The following FAM124A variants were observed in gnomAD, a reference collection of about 807,000 sequenced individuals.
The protein encoded by FAM124A is family with sequence similarity 124 member A.
Under a neutral mutation model 24.5 loss-of-function variants are expected in FAM124A, and 23 were observed. That is an observed-to-expected ratio of 0.94 (90% CI 0.68 to 1.33). The LOEUF (loss-of-function observed/expected upper bound fraction) is 1.33, where lower values mean the gene tolerates loss of function less well. Ranked by LOEUF, FAM124A falls within the 40% of genes most tolerant of loss-of-function variation. The pLI, the probability that FAM124A is intolerant of heterozygous loss-of-function variation, is 0.00. For synonymous variants in FAM124A, 287 were observed against 314.7 expected, an observed-to-expected ratio of 0.91 and a Z score of 0.93; for missense variants, 623 against 722.8, an observed-to-expected ratio of 0.86 and a Z score of 1.58.
At chr13:51,225,124 C>T (rs1027524077) in intron 1 of FAM124A, 14 of 151,798 alleles carry the variant, frequency 9.2e-5, no homozygotes, top group African/African-American at 3.4e-4. Flanking sequence ...TTATCAGATT[C>T]TCAAAGTAGC....
intron 2 of FAM124A, among the ~76,000 whole-genome samples, chr13:51,234,899 G>C (rs1292898159): frequency 6.6e-6 from 1 of 152,084 alleles, no homozygotes; most frequent in Non-Finnish European, 1.5e-5. Context: ...TCCTTTTTGT[G>C]CCCCTCCCCT....
chr13:51,246,404 T>TGGGGGGGGG (rs55696364), intron 2 of FAM124A, among the ~76,000 whole-genome samples: 47 of 57,272 alleles, frequency 8.2e-4, no homozygotes, highest in Non-Finnish European at 1.5e-3. Context: ...TCTCGTGGGG[T>TGGGGGGGGG]GGGGGGGGGT....
intron 3 of FAM124A, among the ~76,000 whole-genome samples, chr13:51,264,769 TG>T (rs1954769235): frequency 6.6e-6 from 1 of 152,240 alleles, no homozygotes; most frequent in Non-Finnish European, 1.5e-5. Flanking sequence ...TGTGGCCATC[TG>T]ATACACTCAT....
At chr13:51,230,956 T>C (rs1262243566) in intron 1 of FAM124A, among the ~76,000 whole-genome samples, 1 of 152,234 alleles carries the variant, frequency 6.6e-6, no homozygotes, top group Admixed American at 6.5e-5. Context: ...CATTTCCCCA[T>C]GGTGTTGTGC....
Position 51,281,337 on chromosome 13 carries a change from C to T in FAM124A, c.*81C>T, listed in dbSNP as rs547324799. On this transcript the variant is annotated 3_prime_UTR_variant, in exon 4 of 4. Transcript: ENST00000322475. ...CCACTGCCCCTCTGGCCACTGAGCA[C>T]ACCACATTCTTCATGATCCATTTCC... 3.7e-4 allele frequency: 495 copies of T among 1,332,330 alleles called. 1 individual carries two copies. The African/African-American group carries it at 6.2e-3, about 17-fold the overall frequency. The allele number at this position is 1,332,330 out of a possible 1,614,324, so 82.5% of individuals were successfully genotyped here.
chr13:51,235,891 T>C (rs1327196261), intron 2 of FAM124A, among the ~76,000 whole-genome samples: 1 of 152,226 alleles, frequency 6.6e-6, no homozygotes, highest in Non-Finnish European at 1.5e-5. Context: ...GATTTGAGCC[T>C]GGGAACATGT....
intron 2 of FAM124A, among the ~76,000 whole-genome samples, chr13:51,246,724 ATT>A (rs2137670743): frequency 6.6e-6 from 1 of 152,220 alleles, no homozygotes; most frequent in South Asian, 2.1e-4. Context: ...GAGGCCGGGC[ATT>A]TCGCCCTTCT....
intron 1 of FAM124A, among the ~76,000 whole-genome samples, chr13:51,228,529 A>G (rs1954339777): frequency 6.6e-6 from 1 of 152,196 alleles, no homozygotes; most frequent in African/African-American, 2.4e-5. Flanking sequence ...TGTCTTATGC[A>G]TAGCCAGCTA....
intron 2 of FAM124A, among the ~76,000 whole-genome samples, chr13:51,238,112 A>T (rs1954455267): frequency 6.6e-6 from 1 of 152,222 alleles, no homozygotes; most frequent in Non-Finnish European, 1.5e-5. Flanking sequence ...GTTTTGGCTC[A>T]GCCACAGCCT....
intron 2 of FAM124A, among the ~76,000 whole-genome samples, chr13:51,233,862 G>A (rs576345139): frequency 6.6e-6 from 1 of 152,338 alleles, no homozygotes; most frequent in East Asian, 1.9e-4. Flanking sequence ...ATAGGGGTCT[G>A]AGTGGAGAGA....
At position 51,281,000 on chromosome 13, in the gene FAM124A, A is replaced by G. The variant is rs1323622047; in HGVS notation, c.1385A>G (p.Glu462Gly). ...TGGGCAGCTCACAAGGATTCCAGGG[A>G]GGGACCACTGCCCACTGTCAGCAGG... ...SHWAAHKDSR[E>G]GPLPTVSRVT... Residue 462 changes from glutamate (E) to glycine (G), a missense_variant, in exon 4 of 4, where the codon GAG becomes GGG. Transcript: ENST00000322475. The G allele has an allele frequency of 6.2e-7, 1 of 1,613,942 alleles. No individual in the cohort carries two copies. Among genetic ancestry groups the G allele is most frequent in the Non-Finnish European group, 8.5e-7 (1 of 1,179,992 alleles).
intron 2 of FAM124A, among the ~76,000 whole-genome samples, chr13:51,244,806 G>A (rs1350894766): frequency 6.6e-6 from 1 of 152,178 alleles, no homozygotes; most frequent in Non-Finnish European, 1.5e-5. Context: ...CTCTTCTTCC[G>A]AAGACTCCAG....
At chr13:51,244,295 C>T (rs1035166083) in intron 2 of FAM124A, among the ~76,000 whole-genome samples, 1 of 152,154 alleles carries the variant, frequency 6.6e-6, no homozygotes, top group Non-Finnish European at 1.5e-5. Context: ...CGGCTTACAT[C>T]TTATATATTT....
intron 2 of FAM124A, among the ~76,000 whole-genome samples, chr13:51,245,882 G>A (rs1018093397): frequency 4.6e-5 from 7 of 152,132 alleles, no homozygotes; most frequent in African/African-American, 1.7e-4. Context: ...AATTTAAATG[G>A]CCAGAAACAG....
chr13:51,229,368 G>C (rs1242173340), intron 1 of FAM124A, among the ~76,000 whole-genome samples: 1 of 152,222 alleles, frequency 6.6e-6, no homozygotes, highest in Admixed American at 6.5e-5. Context: ...CCAACCCGGT[G>C]GTGCCCTTAG....
At chr13:51,274,640 G>C (rs971159506) in intron 3 of FAM124A, among the ~76,000 whole-genome samples, 3 of 151,968 alleles carry the variant, frequency 2.0e-5, no homozygotes, top group Non-Finnish European at 4.4e-5. Flanking sequence ...TATGATTTAT[G>C]ATATATAGGC....
chr13:51,231,955 C>T (rs976253258), intron 2 of FAM124A, among the ~76,000 whole-genome samples: 1 of 152,122 alleles, frequency 6.6e-6, no homozygotes, highest in African/African-American at 2.4e-5. Flanking sequence ...TGTACCAATA[C>T]GTATGCACAT....
chr13:51,240,253 C>T lies in FAM124A; in HGVS notation c.100+8874C>T, dbSNP rs142337426. 2.6e-4 allele frequency among the ~76,000 whole-genome samples: 40 copies of T among 152,346 alleles called. 1 individual carries two copies. In the Middle Eastern group the frequency reaches 0.01, roughly 39 times the overall value. Reference sequence around the variant, plus strand: ...CCTTCTTTCTAAACCTTCTCTCCTTCTTCCACATTTGTGAAACTTCTATTT... The same window carrying T: ...CCTTCTTTCTAAACCTTCTCTCCTTTTTCCACATTTGTGAAACTTCTATTT... On this transcript the variant is annotated intron_variant, in intron 2 of 3. Coordinates refer to ENST00000322475, the MANE Select transcript of FAM124A (RefSeq NM_001242312.2).
intron 2 of FAM124A, among the ~76,000 whole-genome samples, chr13:51,248,525 C>T (rs1954587731): frequency 6.6e-6 from 1 of 152,248 alleles, no homozygotes; most frequent in South Asian, 2.1e-4. Context: ...CTAGACCATG[C>T]TCACCTGAGT....
Sources: allele counts gnomAD v4.1 joint callset (sites outside exome capture counted in the v4.1 genomes callset), GRCh38; gene constraint gnomAD v4.1.1; transcripts MANE v1.5; gene names NCBI Gene and HGNC (gene_info 2026-07-23, HGNC 2026-07-21).